Variants in UVRAG observed in about 807,000 individuals in gnomAD.
The protein encoded by UVRAG is UV radiation resistance-associated gene protein.
A neutral mutation model predicts 78.0 loss-of-function variants in UVRAG; 19 were observed. The ratio of observed to expected loss-of-function variants is 0.24; its 90% CI spans 0.17 to 0.36. The LOEUF (loss-of-function observed/expected upper bound fraction) is 0.36, where lower values mean the gene tolerates loss of function less well. UVRAG is among the 10% of genes least tolerant of loss of function. UVRAG has a pLI of 1.00. For missense variants in UVRAG, 740 were observed against 853.8 expected, an observed-to-expected ratio of 0.87 and a Z score of 1.66; for synonymous variants, 323 against 324.6, an observed-to-expected ratio of 1.00 and a Z score of 0.05.
At chr11:76,133,937 TTTTTTTTC>T (rs1270312170) in intron 14 of UVRAG, among the ~76,000 whole-genome samples, 2 of 151,630 alleles carry the variant, frequency 1.3e-5, no homozygotes, top group African/African-American at 2.4e-5. Flanking sequence ...TTTTATACTT[TTTTTTTTC>T]TTTTTTTCTT....
chr11:76,135,508 T>C lies in UVRAG; in HGVS notation c.1398-5203T>C, dbSNP rs114023039. Among the ~76,000 whole-genome samples, 557 of 150,982 alleles carry C rather than the reference T, an allele frequency of 3.7e-3. 1 individual carries two copies. The highest frequency in any genetic ancestry group is 0.013 in the African/African-American group (516 of 40,276). On this transcript the variant is annotated intron_variant, in intron 14 of 14. Transcript: ENST00000356136. Reference sequence around the variant, plus strand: ...ACCCCAGGAAATACTTTTTTACTTATGGCAAAAGGTTAACAGTCCCTGGTG... The same window carrying C: ...ACCCCAGGAAATACTTTTTTACTTACGGCAAAAGGTTAACAGTCCCTGGTG...
chr11:76,011,433 G>A (rs935319269), intron 11 of UVRAG, among the ~76,000 whole-genome samples: 3 of 152,160 alleles, frequency 2.0e-5, no homozygotes, highest in African/African-American at 7.2e-5. Context: ...AGACCAGCCT[G>A]ACCGATATGG....
chr11:76,105,232 C>T (rs1047815869), intron 13 of UVRAG, among the ~76,000 whole-genome samples: 2 of 152,040 alleles, frequency 1.3e-5, no homozygotes, highest in African/African-American at 4.8e-5. Flanking sequence ...TGCCAAACCC[C>T]TGTTTCTACT....
At chr11:75,961,307 G>T in intron 6 of UVRAG, 137 bp from the exon 7 acceptor site, 1 of 658,868 alleles carries the variant, frequency 1.5e-6, no homozygotes, top group East Asian at 3.0e-5. Context: ...ATTTCATTGC[G>T]AATATGCTAG....
intron 6 of UVRAG, among the ~76,000 whole-genome samples, chr11:75,927,397 T>C (rs542831942): frequency 3.9e-5 from 6 of 152,258 alleles, no homozygotes; most frequent in African/African-American, 1.4e-4. Context: ...TGAAAAAGTA[T>C]ATAGGTTGTT....
chr11:75,883,103 A>G (rs1290359780), intron 4 of UVRAG, among the ~76,000 whole-genome samples: 1 of 152,160 alleles, frequency 6.6e-6, no homozygotes, highest in Non-Finnish European at 1.5e-5. Flanking sequence ...AGACTCTGAT[A>G]TTAAGTACTT....
intron 1 of UVRAG, among the ~76,000 whole-genome samples, chr11:75,820,428 C>T (rs1200038709): frequency 2.0e-5 from 3 of 150,738 alleles, no homozygotes; most frequent in Non-Finnish European, 4.4e-5. Flanking sequence ...GATCTCCGCT[C>T]ACCGCAACCT....
At chr11:75,873,425 A>G (rs757211246) in intron 3 of UVRAG, among the ~76,000 whole-genome samples, 29 of 152,158 alleles carry the variant, frequency 1.9e-4, no homozygotes, top group Admixed American at 1.3e-4. Flanking sequence ...ATAGCAAAAA[A>G]AGCCCCATCC....
chr11:75,923,651 A>G (rs1485820085), intron 6 of UVRAG, among the ~76,000 whole-genome samples: 1 of 152,192 alleles, frequency 6.6e-6, no homozygotes, highest in African/African-American at 2.4e-5. Context: ...CATCCAGTTC[A>G]GGTGCATTTT....
chr11:76,011,061 T>C (rs184315240), intron 11 of UVRAG, among the ~76,000 whole-genome samples: 5 of 152,322 alleles, frequency 3.3e-5, no homozygotes, highest in Middle Eastern at 3.4e-3. Context: ...TGTGTCTTGA[T>C]TCTATTTTGT....
intron 7 of UVRAG, among the ~76,000 whole-genome samples, chr11:75,971,639 T>C (rs1051460545): frequency 1.1e-4 from 16 of 152,234 alleles, no homozygotes; most frequent in African/African-American, 3.6e-4. Context: ...TCTTCTTTGA[T>C]GAGATACCTG....
At chr11:75,893,424 C>CA (rs1310697078) in intron 5 of UVRAG, among the ~76,000 whole-genome samples, 8 of 151,598 alleles carry the variant, frequency 5.3e-5, no homozygotes, top group Admixed American at 5.3e-4. Context: ...CGAGAAAAGA[C>CA]AGCTTAGAGA....
intron 13 of UVRAG, among the ~76,000 whole-genome samples, chr11:76,090,830 A>G (rs1046734117): frequency 6.6e-6 from 1 of 152,226 alleles, no homozygotes; most frequent in Non-Finnish European, 1.5e-5. Flanking sequence ...CATATCGGGT[A>G]TTCACACAAT....
intron 6 of UVRAG, among the ~76,000 whole-genome samples, chr11:75,940,874 C>T (rs1358367727): frequency 6.6e-6 from 1 of 152,170 alleles, no homozygotes; most frequent in South Asian, 2.1e-4. Context: ...AACCACTACA[C>T]TATGCTAACT....
intron 6 of UVRAG, among the ~76,000 whole-genome samples, chr11:75,953,393 A>T (rs943279141): frequency 2.0e-5 from 3 of 152,194 alleles, no homozygotes; most frequent in African/African-American, 7.2e-5. Context: ...TAAAAATCTA[A>T]GCACCTTCAT....
At chr11:75,871,486 G>A (rs552277945) in intron 3 of UVRAG, among the ~76,000 whole-genome samples, 28 of 151,896 alleles carry the variant, frequency 1.8e-4, no homozygotes, top group African/African-American at 5.6e-4. Context: ...GTTTCACCAT[G>A]TTGGCCAGAT....
intron 2 of UVRAG, among the ~76,000 whole-genome samples, chr11:75,856,484 T>TC (rs1283897478): frequency 1.3e-5 from 2 of 152,072 alleles, no homozygotes; most frequent in African/African-American, 2.4e-5. Flanking sequence ...AGAGTCTGAC[T>TC]CTGTCAACCA....
intron 13 of UVRAG, among the ~76,000 whole-genome samples, chr11:76,100,594 G>C (rs1456980158): frequency 6.6e-6 from 1 of 152,184 alleles, no homozygotes; most frequent in East Asian, 1.9e-4. Context: ...CACAAATTTA[G>C]CAGTTTAAAC....
At chr11:75,905,593 T>C (rs138751605) in intron 5 of UVRAG, among the ~76,000 whole-genome samples, 17 of 152,358 alleles carry the variant, frequency 1.1e-4, no homozygotes, top group African/African-American at 3.6e-4. Context: ...GTTTTGGTGT[T>C]GCATCTACAT....
Sources: gnomAD v4.1 joint callset for allele counts (sites outside exome capture counted in the v4.1 genomes callset) on GRCh38, gnomAD v4.1.1 for gene constraint, MANE v1.5 for transcripts, NCBI Gene and HGNC (gene_info 2026-07-23, HGNC 2026-07-21) for gene names.